Variants in RYR2 observed in about 807,000 individuals in gnomAD.
The protein encoded by RYR2 is cardiac muscle ryanodine receptor-calcium release channel.
A neutral mutation model predicts 601.1 loss-of-function variants in RYR2; 227 were observed. The ratio of observed to expected loss-of-function variants is 0.38; its 90% CI spans 0.34 to 0.42. The LOEUF is 0.42. Among genes scored for constraint, RYR2 ranks in the 10% least tolerant of loss-of-function variants. The probability of loss-of-function intolerance (pLI) is 1.00; values close to 1 mark genes in which losing one functional copy is unlikely to be tolerated. For missense variants in RYR2, 4,646 were observed against 6,156.5 expected, an observed-to-expected ratio of 0.75 and a Z score of 8.21; for synonymous variants, 2,223 against 2,175.1, an observed-to-expected ratio of 1.02 and a Z score of -0.61.
chr1:237,247,628 T>C (rs1477910357), intron 1 of RYR2, among the ~76,000 whole-genome samples: 1 of 152,154 alleles, frequency 6.6e-6, no homozygotes, highest in African/African-American at 2.4e-5. Context: ...CCAGCCATTG[T>C]GGCTCATCCA....
At chr1:237,425,230 T>C (rs1007126886) in intron 12 of RYR2, among the ~76,000 whole-genome samples, 21 of 152,186 alleles carry the variant, frequency 1.4e-4, no homozygotes, top group African/African-American at 4.8e-4. Flanking sequence ...AATATCAACG[T>C]TTTGATGAAT....
intron 83 of RYR2, 22 bp from the exon 84 acceptor site, chr1:237,760,933 T>G: frequency 2.0e-6 from 3 of 1,507,474 alleles, no homozygotes; most frequent in Non-Finnish European, 2.7e-6. Context: ...TCTAAATGTT[T>G]TTTTTTCCCT....
intron 10 of RYR2, among the ~76,000 whole-genome samples, chr1:237,398,451 A>G (rs1332513577): frequency 6.6e-6 from 1 of 152,262 alleles, no homozygotes; most frequent in Non-Finnish European, 1.5e-5. Flanking sequence ...GGCAAAAACC[A>G]TGACAGCTAT....
chr1:237,191,785 A>G (rs1679992099), intron 1 of RYR2, among the ~76,000 whole-genome samples: 1 of 152,222 alleles, frequency 6.6e-6, no homozygotes, highest in Non-Finnish European at 1.5e-5. Flanking sequence ...AAAACCCTCA[A>G]TTAACAATTT....
intron 20 of RYR2, among the ~76,000 whole-genome samples, chr1:237,498,190 A>G (rs1223403196): frequency 6.6e-6 from 1 of 152,126 alleles, no homozygotes; most frequent in Non-Finnish European, 1.5e-5. Flanking sequence ...TTGTGAGTAC[A>G]TAAAAGGTAT....
At chr1:237,631,333 C>G (rs570277607) in intron 41 of RYR2, 94 bp from the exon 42 acceptor site, 5 of 765,442 alleles carry the variant, frequency 6.5e-6, no homozygotes, top group Non-Finnish European at 1.1e-5. Context: ...CTTTTCAACT[C>G]ACATAAATTA....
intron 90 of RYR2, among the ~76,000 whole-genome samples, chr1:237,785,673 GGA>G (rs1558409896): frequency 3.3e-5 from 5 of 151,748 alleles, no homozygotes; most frequent in South Asian, 2.1e-4. Context: ...TGGCATTGAA[GGA>G]TGAGTAAGAT....
chr1:237,824,324 C>A (rs1048270681), intron 101 of RYR2, among the ~76,000 whole-genome samples: 1 of 152,098 alleles, frequency 6.6e-6, no homozygotes, highest in African/African-American at 2.4e-5. Context: ...AAAAGCTTAT[C>A]CACCATGATC....
chr1:237,660,379 C>T (rs1404090357), intron 55 of RYR2, among the ~76,000 whole-genome samples: 4 of 151,854 alleles, frequency 2.6e-5, no homozygotes, highest in African/African-American at 9.7e-5. Context: ...TTAAGAGTTT[C>T]TTGATGAGTG....
At position 237,461,656 on chromosome 1, in the gene RYR2, A is replaced by G. The variant is rs188297296; in HGVS notation, c.1612+4921A>G. On this transcript the variant is annotated intron_variant, in intron 16 of 104. Transcript: ENST00000366574. ...CATTACTTTTATAATTGAAAAAAGT[A>G]GTTAACATATATCTCTAATGCCAGA... Among the ~76,000 whole-genome samples the G allele has an allele frequency of 5.9e-4, 90 of 152,226 alleles. 2 individuals are homozygous for G. The highest frequency in any genetic ancestry group is 2.1e-3 in the African/African-American group (88 of 41,572).
intron 5 of RYR2, among the ~76,000 whole-genome samples, chr1:237,366,250 C>G (rs541865672): frequency 6.6e-6 from 1 of 152,296 alleles, no homozygotes; most frequent in African/African-American, 2.4e-5. Flanking sequence ...AGGAGACTTT[C>G]CATGAAGACA....
intron 2 of RYR2, among the ~76,000 whole-genome samples, chr1:237,307,422 C>T (rs1043623222): frequency 4.6e-5 from 7 of 152,120 alleles, no homozygotes; most frequent in Non-Finnish European, 1.0e-4. Flanking sequence ...ACAAGGAATG[C>T]TAGTCTAGAT....
At chr1:237,467,022 T>C (rs187020846) in intron 16 of RYR2, among the ~76,000 whole-genome samples, 2 of 151,302 alleles carry the variant, frequency 1.3e-5, no homozygotes, top group African/African-American at 4.8e-5. Context: ...TTTATAATTT[T>C]CTTAAATGCC....
chr1:237,822,757 C>T (rs1260089833), intron 101 of RYR2, among the ~76,000 whole-genome samples: 1 of 152,066 alleles, frequency 6.6e-6, no homozygotes, highest in Non-Finnish European at 1.5e-5. Flanking sequence ...GAGTCAAGAC[C>T]CATTAATGTG....
rs184676259 is a variant in RYR2, at chr1:237,250,947, G to C, written c.49-19550G>C. On this transcript the variant is annotated intron_variant, in intron 1 of 104. Coordinates refer to ENST00000366574, the MANE Select transcript of RYR2 (RefSeq NM_001035.3). ...TTATGTTAGCAGAGGGATCTTCCCT[G>C]TATAGCCCATTTAAAATATCAACTC... 2.7e-3 allele frequency among the ~76,000 whole-genome samples: 413 copies of C among 151,996 alleles called. 3 individuals are homozygous for C. The highest frequency in any genetic ancestry group is 2.1e-3 in the Non-Finnish European group (143 of 67,988).
At chr1:237,699,234 A>T (rs1170641510) in intron 64 of RYR2, among the ~76,000 whole-genome samples, 3 of 152,174 alleles carry the variant, frequency 2.0e-5, no homozygotes, top group African/African-American at 2.4e-5. Context: ...AATGTCAGGT[A>T]ATTTCTGTAG....
intron 2 of RYR2, among the ~76,000 whole-genome samples, chr1:237,300,086 T>G (rs1693200458): frequency 6.6e-6 from 1 of 152,176 alleles, no homozygotes; most frequent in East Asian, 1.9e-4. Context: ...TTTCACTCAC[T>G]TTTTGTTTGA....
At chr1:237,520,030 T>G (rs1480830518) in intron 24 of RYR2, among the ~76,000 whole-genome samples, 1 of 152,176 alleles carries the variant, frequency 6.6e-6, no homozygotes, top group Non-Finnish European at 1.5e-5. Flanking sequence ...TTAGGTATTT[T>G]AGGTATTTCA....
intron 1 of RYR2, among the ~76,000 whole-genome samples, chr1:237,252,118 C>T (rs1687522938): frequency 6.6e-6 from 1 of 151,702 alleles, no homozygotes; most frequent in African/African-American, 2.4e-5. Context: ...GGGAATGAGT[C>T]ATGTCCTTCC....
Sources: allele counts gnomAD v4.1 joint callset (sites outside exome capture counted in the v4.1 genomes callset), GRCh38; gene constraint gnomAD v4.1.1; transcripts MANE v1.5; gene names NCBI Gene and HGNC (gene_info 2026-07-23, HGNC 2026-07-21).